GLIS3: variants seen among roughly 807,000 people sequenced by gnomAD.
GLIS3 encodes zinc finger protein GLIS3.
Under a neutral mutation model 78.6 loss-of-function variants are expected in GLIS3, and 53 were observed. The ratio of observed to expected loss-of-function variants is 0.67; its 90% CI spans 0.54 to 0.85. The LOEUF is 0.85. GLIS3 is among the 40% of genes least tolerant of loss of function. The probability of loss-of-function intolerance (pLI) is 0.00; values close to 1 mark genes in which losing one functional copy is unlikely to be tolerated. For missense variants in GLIS3, 1,703 were observed against 1,231.1 expected (o/e 1.38, Z -5.74); for synonymous variants, 684 against 509.9 (o/e 1.34, Z -4.60).
chr9:4,104,152 A>G (rs1399723965), intron 4 of GLIS3, among the ~76,000 whole-genome samples: 1 of 152,148 alleles, frequency 6.6e-6, no homozygotes, highest in Non-Finnish European at 1.5e-5. Flanking sequence ...GCATCAGTCT[A>G]GACTTCTCAT....
At chr9:3,972,937 A>G (rs1818494816) in intron 4 of GLIS3, among the ~76,000 whole-genome samples, 1 of 152,168 alleles carries the variant, frequency 6.6e-6, no homozygotes, top group African/African-American at 2.4e-5. Context: ...AGAGTTAAGC[A>G]AACTGCAAAG....
chr9:3,857,285 G>C (rs577684104), intron 8 of GLIS3, among the ~76,000 whole-genome samples: 10 of 152,198 alleles, frequency 6.6e-5, no homozygotes, highest in African/African-American at 2.4e-4. Flanking sequence ...GCAGTAACAC[G>C]TATAGGTCAC....
the GLIS3 span, among the ~76,000 whole-genome samples, chr9:4,486,731 C>A: frequency 2.0e-5 from 3 of 152,164 alleles, no homozygotes; most frequent in Non-Finnish European, 4.4e-5. Context: ...CTCTTGTCAC[C>A]CAGGCTGGAG....
intron 4 of GLIS3, among the ~76,000 whole-genome samples, chr9:3,948,298 C>T (rs1816434789): frequency 6.6e-6 from 1 of 152,200 alleles, no homozygotes; most frequent in Non-Finnish European, 1.5e-5. Flanking sequence ...TACTCTATCC[C>T]ATTTCTGAAT....
intron 2 of GLIS3, among the ~76,000 whole-genome samples, chr9:4,178,729 T>C (rs1817016732): frequency 6.6e-6 from 1 of 152,206 alleles, no homozygotes; most frequent in South Asian, 2.1e-4. Flanking sequence ...TTTTTCCTGA[T>C]GTATATAGGT....
Position 3,825,970 on chromosome 9 carries a change from G to C in GLIS3, c.*2302C>G, listed in dbSNP as rs990385273. 3 of 152,226 alleles carry C rather than the reference G, an allele frequency of 2.0e-5. No homozygotes were observed. The highest frequency in any genetic ancestry group is 4.4e-5 in the Non-Finnish European group (3 of 68,038). 9.4% of individuals were successfully genotyped at this position (152,226 alleles called of 1,614,324 possible). On this transcript the variant is annotated 3_prime_UTR_variant, in exon 11 of 11. Coordinates refer to ENST00000381971, the MANE Select transcript of GLIS3 (RefSeq NM_001042413.2). Reference sequence around the variant, plus strand: ...AGTCCCTCTTGCCCCTGTGAGGTAAGAAAGGGGCAGGGTTACTGTGAGAGG... The same window carrying C: ...AGTCCCTCTTGCCCCTGTGAGGTAACAAAGGGGCAGGGTTACTGTGAGAGG...
intron 4 of GLIS3, among the ~76,000 whole-genome samples, chr9:4,019,085 A>T (rs496297): frequency 0.081 from 12,369 of 152,222 alleles, 1,675 homozygotes; most frequent in African/African-American, 0.28. Flanking sequence ...GTTGATGAAC[A>T]CTAGTTCAAT....
At chr9:4,186,615 A>G (rs925236437) in intron 2 of GLIS3, among the ~76,000 whole-genome samples, 8 of 151,312 alleles carry the variant, frequency 5.3e-5, no homozygotes, top group African/African-American at 7.3e-5. Flanking sequence ...AGTCCCACCA[A>G]CAGTGTAAAA....
intron 1 of GLIS3, among the ~76,000 whole-genome samples, chr9:4,290,997 G>C (rs557372301): frequency 2.6e-4 from 39 of 152,140 alleles, no homozygotes; most frequent in African/African-American, 8.7e-4. Context: ...CAGTACAACT[G>C]ACAAATTCAT....
chr9:4,019,882 A>G (rs1259895728), intron 4 of GLIS3, among the ~76,000 whole-genome samples: 1 of 152,124 alleles, frequency 6.6e-6, no homozygotes, highest in African/African-American at 2.4e-5. Flanking sequence ...AGTAGCAACG[A>G]CTACAGGTGC....
At chr9:4,395,422 C>A in the GLIS3 span, among the ~76,000 whole-genome samples, 1 of 152,122 alleles carries the variant, frequency 6.6e-6, no homozygotes, top group African/African-American at 2.4e-5. Context: ...AGATTTTAAT[C>A]CACCTGCCTT....
the GLIS3 span, among the ~76,000 whole-genome samples, chr9:4,462,386 T>A: frequency 1.3e-5 from 2 of 152,042 alleles, no homozygotes; most frequent in Non-Finnish European, 2.9e-5. Context: ...AGTGGGGGTG[T>A]TTTCAGACTT....
chr9:4,025,225 C>T (rs150337820), intron 4 of GLIS3, among the ~76,000 whole-genome samples: 20 of 151,816 alleles, frequency 1.3e-4, no homozygotes, highest in African/African-American at 4.1e-4. Flanking sequence ...GCACTCCAAC[C>T]TAGGCAACAG....
chr9:4,047,190 C>T (rs1019898960), intron 4 of GLIS3, among the ~76,000 whole-genome samples: 10 of 152,008 alleles, frequency 6.6e-5, no homozygotes, highest in South Asian at 6.2e-4. Flanking sequence ...TCACAAGGGG[C>T]TCTTCCCCCT....
chr9:4,123,992 G>A, intron 3 of GLIS3: 1 of 389,268 alleles, frequency 2.6e-6, no homozygotes, highest in East Asian at 3.6e-5. Flanking sequence ...ACGCTAAGCT[G>A]ATTCTCTCTC....
chr9:4,273,871 C>G (rs1052702772), intron 2 of GLIS3, among the ~76,000 whole-genome samples: 3 of 152,126 alleles, frequency 2.0e-5, no homozygotes, highest in East Asian at 1.9e-4. Context: ...TCTGAAAAAC[C>G]TGGTTTTTGG....
intron 2 of GLIS3, among the ~76,000 whole-genome samples, chr9:4,312,788 C>T (rs1341138943): frequency 6.6e-6 from 1 of 152,218 alleles, no homozygotes; most frequent in Non-Finnish European, 1.5e-5. Context: ...AGGGCTGTGT[C>T]TTCAGCCAGA....
chr9:3,988,703 G>A (rs1269932187), intron 4 of GLIS3, among the ~76,000 whole-genome samples: 3 of 150,748 alleles, frequency 2.0e-5, no homozygotes, highest in Non-Finnish European at 4.4e-5. Context: ...AGCACGCATA[G>A]ACAAAAAAAA....
intron 2 of GLIS3, among the ~76,000 whole-genome samples, chr9:4,248,304 GT>G (rs1824002714): frequency 6.6e-6 from 1 of 151,650 alleles, no homozygotes; most frequent in African/African-American, 2.4e-5. Flanking sequence ...TGTTCTCATT[GT>G]TCAACTCCCA....
Sources: gnomAD v4.1 joint callset for allele counts (sites outside exome capture counted in the v4.1 genomes callset) on GRCh38, gnomAD v4.1.1 for gene constraint, MANE v1.5 for transcripts, NCBI Gene and HGNC (gene_info 2026-07-23, HGNC 2026-07-21) for gene names.